The following ABCC1 variants were observed in gnomAD, a reference collection of about 807,000 sequenced individuals.
ABCC1 encodes multidrug resistance-associated protein 1.
Under a neutral mutation model 172.9 loss-of-function variants are expected in ABCC1, and 83 were observed. The ratio of observed to expected loss-of-function variants is 0.48; its 90% CI spans 0.40 to 0.58. The LOEUF (loss-of-function observed/expected upper bound fraction) is 0.58, where lower values mean the gene tolerates loss of function less well. ABCC1 is among the 20% of genes least tolerant of loss of function. ABCC1 has a pLI of 0.00. For missense variants in ABCC1, 1,817 were observed against 2,002.7 expected, an observed-to-expected ratio of 0.91 and a Z score of 1.77; for synonymous variants, 937 against 825.2, an observed-to-expected ratio of 1.14 and a Z score of -2.32.
intron 1 of ABCC1, among the ~76,000 whole-genome samples, chr16:15,961,736 C>T (rs935250438): frequency 1.1e-4 from 17 of 151,154 alleles, no homozygotes; most frequent in African/African-American, 3.9e-4. Context: ...CATTTTAAGC[C>T]CATGCAAATT....
At position 16,142,823 on chromosome 16, in the gene ABCC1, A is replaced by C. The variant is rs2046174604; in HGVS notation, c.*1542A>C. ...GTGTCTCGTTAGAGCCCAAAGTGGA[A>C]TCCGGAAGGCAGCCAGAGCTGAGGC... On this transcript the variant is annotated 3_prime_UTR_variant, in exon 31 of 31. Transcript: ENST00000399410. 1 of 152,484 alleles carries C rather than the reference A, an allele frequency of 6.6e-6. No individual in the cohort carries two copies. Among genetic ancestry groups the C allele is most frequent in the Non-Finnish European group, 1.5e-5 (1 of 68,018 alleles). 9.4% of individuals were successfully genotyped at this position (152,484 alleles called of 1,614,324 possible). A position where few individuals can be genotyped will look rare whatever the true frequency, so the allele number is the denominator to read the frequency against.
intron 5 of ABCC1, among the ~76,000 whole-genome samples, chr16:16,023,101 G>A (rs1352630784): frequency 1.3e-5 from 2 of 152,050 alleles, no homozygotes; most frequent in Non-Finnish European, 1.5e-5. Flanking sequence ...TTTTGTAGGC[G>A]TGAGGGCTCC....
At chr16:16,127,061 G>C (rs72777632) in intron 26 of ABCC1, among the ~76,000 whole-genome samples, 3,666 of 152,208 alleles carry the variant, frequency 0.024, 68 homozygotes, top group Middle Eastern at 0.044. Context: ...GCCCTGAACA[G>C]CAGCACAAGT....
intron 1 of ABCC1, among the ~76,000 whole-genome samples, chr16:15,999,101 T>TG (rs2047156848): frequency 6.6e-6 from 1 of 152,072 alleles, no homozygotes; most frequent in African/African-American, 2.4e-5. Flanking sequence ...TCTGGGTTCA[T>TG]GCCATTCTCC....
intron 16 of ABCC1, among the ~76,000 whole-genome samples, chr16:16,080,242 T>C (rs979783107): frequency 6.6e-6 from 1 of 152,218 alleles, no homozygotes; most frequent in Non-Finnish European, 1.5e-5. Flanking sequence ...TCTTTATCTT[T>C]ATGGATCTCT....
rs1219291606 is a variant in ABCC1, at chr16:15,997,383, G to A, written c.49-10433G>A. 2.0e-5 allele frequency among the ~76,000 whole-genome samples: 3 copies of A among 152,294 alleles called. No individual in the cohort carries two copies. The South Asian group carries it at 6.2e-4, about 32-fold the overall frequency. Reference sequence around the variant, plus strand: ...TAGGATTATAGGCGTGAGCCACCGCGCCCAGCCGACTTGCGCTTTCTCTGT... The same window carrying A: ...TAGGATTATAGGCGTGAGCCACCGCACCCAGCCGACTTGCGCTTTCTCTGT... On this transcript the variant is annotated intron_variant, in intron 1 of 30. Coordinates refer to ENST00000399410, the MANE Select transcript of ABCC1 (RefSeq NM_004996.4).
chr16:16,008,240 G>T (rs764468498), intron 2 of ABCC1, among the ~76,000 whole-genome samples: 34 of 152,042 alleles, frequency 2.2e-4, no homozygotes, highest in Non-Finnish European at 4.7e-4. Context: ...CAGTTTCCCT[G>T]TTTATGCAAT....
At chr16:16,129,458 G>A (rs2045585823) in intron 26 of ABCC1, among the ~76,000 whole-genome samples, 2 of 152,018 alleles carry the variant, frequency 1.3e-5, no homozygotes, top group Admixed American at 6.6e-5. Flanking sequence ...AGACGATCCT[G>A]GGCAACATGG....
intron 1 of ABCC1, among the ~76,000 whole-genome samples, chr16:16,001,362 G>A (rs1207953215): frequency 1.3e-5 from 2 of 152,060 alleles, no homozygotes; most frequent in Non-Finnish European, 2.9e-5. Flanking sequence ...ACAGGCGCCC[G>A]CCACCACGCC....
intron 1 of ABCC1, among the ~76,000 whole-genome samples, chr16:15,954,610 G>C (rs1357019468): frequency 6.6e-6 from 1 of 152,164 alleles, no homozygotes; most frequent in Admixed American, 6.5e-5. Context: ...AGGCCAATCA[G>C]GAGCGGATTC....
At chr16:16,024,125 A>G (rs1053940448) in intron 5 of ABCC1, among the ~76,000 whole-genome samples, 2 of 152,280 alleles carry the variant, frequency 1.3e-5, no homozygotes, top group South Asian at 2.1e-4. Context: ...AGGCTCAGGC[A>G]GGAGAATTGC....
intron 1 of ABCC1, among the ~76,000 whole-genome samples, chr16:15,987,814 C>G (rs2046775317): frequency 6.6e-6 from 1 of 152,216 alleles, no homozygotes; most frequent in Admixed American, 6.5e-5. Flanking sequence ...ATTCTTCAGA[C>G]CTGTTGGCCT....
chr16:15,951,875 A>G lies in ABCC1; in HGVS notation c.48+2076A>G, dbSNP rs565234379. On this transcript the variant is annotated intron_variant, in intron 1 of 30. Transcript: ENST00000399410. ...CAGCTAATTTTTGTATTTTTTATAG[A>G]GACAGATTCGCACTATATTGCCCAG... Among the ~76,000 whole-genome samples the G allele has an allele frequency of 6.6e-5, 10 of 152,220 alleles. No homozygotes were observed. In the East Asian group the frequency reaches 1.7e-3, roughly 26 times the overall value.
chr16:16,138,535 C>T lies in ABCC1; in HGVS notation c.4464C>T (p.Leu1488=). 3 of 1,601,458 alleles carry T rather than the reference C, an allele frequency of 1.9e-6. No individual in the cohort carries two copies. Among genetic ancestry groups the T allele is most frequent in the Non-Finnish European group, 1.7e-6 (2 of 1,170,100 alleles). The change falls in exon 30 of 31, where the codon CTC becomes CTT. Residue 1488 remains leucine, a synonymous_variant. Transcript: ENST00000399410. ...CCGTCCTCACCATCGCCCACCGGCT[C>T]AACACCATCATGGACTACACAAGGT... ...DCTVLTIAHR[L]NTIMDYTRVI...
chr16:16,022,601 G>A (rs2048231217), intron 5 of ABCC1, among the ~76,000 whole-genome samples: 1 of 152,134 alleles, frequency 6.6e-6, no homozygotes, highest in Non-Finnish European at 1.5e-5. Context: ...GACCTACCAA[G>A]TCAAACTCAT....
rs1467833949 is a variant in ABCC1 at position 16,132,506 on chromosome 16, GGTTGTTTTTTTTTTTTT to G, written c.3966+572_3966+588del. 9.9e-5 allele frequency among the ~76,000 whole-genome samples: 10 copies of G among 100,974 alleles called. No homozygotes were observed. In the East Asian group the frequency reaches 1.4e-3, roughly 15 times the overall value. 66.2% of individuals were successfully genotyped at this position (100,974 alleles called of 152,430 possible). ...GAAGTTCTTTTTTTGTTTTTTGGTT[GGTTGTTTTTTTTTTTTT>G]TTTTTTTTTTTTTTTTGAGATGGAG... On this transcript the variant is annotated intron_variant, in intron 27 of 30. Coordinates refer to ENST00000399410, the MANE Select transcript of ABCC1 (RefSeq NM_004996.4).
At chr16:15,982,421 C>A (rs755806649) in intron 1 of ABCC1, among the ~76,000 whole-genome samples, 1 of 151,934 alleles carries the variant, frequency 6.6e-6, no homozygotes. Context: ...CACATGGCGG[C>A]AGGAAGGAGA....
chr16:16,059,643 A>C (rs1442622699), intron 12 of ABCC1, among the ~76,000 whole-genome samples: 3 of 152,028 alleles, frequency 2.0e-5, no homozygotes, highest in Admixed American at 1.3e-4. Flanking sequence ...CGTCTATACT[A>C]AAAATACAAA....
At chr16:16,028,684 C>T (rs1255088298) in intron 5 of ABCC1, among the ~76,000 whole-genome samples, 5 of 152,270 alleles carry the variant, frequency 3.3e-5, no homozygotes, top group Non-Finnish European at 5.9e-5. Flanking sequence ...GGAGAAATTC[C>T]GCTTTACGAC....
Sources: gnomAD v4.1 joint callset for allele counts (sites outside exome capture counted in the v4.1 genomes callset) on GRCh38, gnomAD v4.1.1 for gene constraint, MANE v1.5 for transcripts, NCBI Gene and HGNC (gene_info 2026-07-23, HGNC 2026-07-21) for gene names.